The following TNS3 variants were observed in gnomAD, a reference collection of about 807,000 sequenced individuals.
TNS3 encodes the protein tensin-3.
Under a neutral mutation model 140.9 loss-of-function variants are expected in TNS3, and 45 were observed. That is an observed-to-expected ratio of 0.32 (90% confidence interval 0.25 to 0.41). TNS3 has a LOEUF of 0.41. TNS3 is among the 10% of genes least tolerant of loss of function. TNS3 has a pLI of 1.00. For missense variants in TNS3, 1,716 were observed against 1,906.7 expected (o/e 0.90, Z 1.86); for synonymous variants, 815 against 788.4 (o/e 1.03, Z -0.56).
At chr7:47,486,702 CG>C in intron 3 of TNS3, among the ~76,000 whole-genome samples, 1 of 152,280 alleles carries the variant, frequency 6.6e-6, no homozygotes, top group Admixed American at 6.5e-5. Flanking sequence ...CAGTTCTCCT[CG>C]TGCTTGACCG....
intron 2 of TNS3, among the ~76,000 whole-genome samples, chr7:47,513,855 A>C (rs1234589881): frequency 2.0e-5 from 3 of 152,218 alleles, no homozygotes; most frequent in African/African-American, 7.2e-5. Context: ...CAAACCACAC[A>C]TCAGTTCCCT....
intron 20 of TNS3, among the ~76,000 whole-genome samples, chr7:47,321,034 T>C (rs557421170): frequency 6.6e-6 from 1 of 152,310 alleles, no homozygotes; most frequent in Non-Finnish European, 1.5e-5. Context: ...TTCTAATGTG[T>C]CCCTTCTGAC....
At chr7:47,305,318 G>T (rs1786683612) in intron 20 of TNS3, among the ~76,000 whole-genome samples, 2 of 152,180 alleles carry the variant, frequency 1.3e-5, no homozygotes, top group African/African-American at 4.8e-5. Flanking sequence ...GCCTGGGCTG[G>T]TCCTCCCAGC....
chr7:47,422,006 G>A (rs2151464086), intron 10 of TNS3, among the ~76,000 whole-genome samples: 1 of 152,284 alleles, frequency 6.6e-6, no homozygotes, highest in East Asian at 1.9e-4. Context: ...GGACAACAGA[G>A]AAGCCTCCCA....
chr7:47,397,039 C>G, intron 15 of TNS3, 135 bp from the exon 16 acceptor site: 2 of 660,288 alleles, frequency 3.0e-6, no homozygotes, highest in Non-Finnish European at 5.4e-6. Context: ...ACCCTCCTGC[C>G]AGGAGCCACA....
intron 20 of TNS3, among the ~76,000 whole-genome samples, chr7:47,340,858 G>C (rs957624914): frequency 1.3e-5 from 2 of 152,178 alleles, no homozygotes; most frequent in African/African-American, 4.8e-5. Flanking sequence ...TGTTGAAAAA[G>C]AGTGCTGTCA....
intron 17 of TNS3, among the ~76,000 whole-genome samples, chr7:47,348,870 C>T (rs542226989): frequency 2.3e-4 from 35 of 152,334 alleles, no homozygotes; most frequent in South Asian, 4.1e-4. Context: ...GAAGGCACAA[C>T]CAGGTCGTAA....
intron 17 of TNS3, among the ~76,000 whole-genome samples, chr7:47,365,990 A>T (rs531986356): frequency 6.6e-6 from 1 of 152,276 alleles, no homozygotes; most frequent in East Asian, 1.9e-4. Flanking sequence ...ATGTTAACCT[A>T]AGTATGTGGA....
chr7:47,556,288 A>C (rs2151990929), intron 1 of TNS3, among the ~76,000 whole-genome samples: 1 of 152,296 alleles, frequency 6.6e-6, no homozygotes, highest in African/African-American at 2.4e-5. Context: ...TTAAAAAATT[A>C]CCTTTAGTAA....
chr7:47,576,310 TC>T (rs1353824993), intron 1 of TNS3, among the ~76,000 whole-genome samples: 3 of 151,814 alleles, frequency 2.0e-5, no homozygotes, highest in Non-Finnish European at 4.4e-5. Context: ...CCCACGTGGC[TC>T]CCACCCCTGA....
chr7:47,482,622 C>T (rs1184801592), intron 3 of TNS3, among the ~76,000 whole-genome samples: 2 of 152,114 alleles, frequency 1.3e-5, no homozygotes, highest in East Asian at 3.9e-4. Flanking sequence ...ACTCAGTGCA[C>T]ACATGCATCT....
In TNS3 at chr7:47,445,696, G is replaced by A. The variant is rs370040921; in HGVS notation, c.-75-3641C>T. Reference sequence around the variant, plus strand: ...CAGGGGTTAAATCTGGAACCAAGTAGAGGACATGCCTATGACAGGTCCCCC... The same window carrying A: ...CAGGGGTTAAATCTGGAACCAAGTAAAGGACATGCCTATGACAGGTCCCCC... On this transcript the variant is annotated intron_variant, in intron 4 of 30. Transcript: ENST00000311160. Among the ~76,000 whole-genome samples, 7 of 152,140 alleles carry A rather than the reference G, an allele frequency of 4.6e-5. No individual in the cohort carries two copies. In the East Asian group the frequency reaches 5.8e-4, roughly 13 times the overall value.
intron 27 of TNS3, among the ~76,000 whole-genome samples, chr7:47,286,912 A>G (rs1048329617): frequency 6.6e-6 from 1 of 152,180 alleles, no homozygotes; most frequent in Non-Finnish European, 1.5e-5. Flanking sequence ...CCCCAAGTAC[A>G]AGGAAAAAGG....
rs373873765 is a variant in TNS3, at chr7:47,311,031, G to A, written c.2651-6028C>T. On this transcript the variant is annotated intron_variant, in intron 20 of 30. Transcript: ENST00000311160. ...TGTGAATAGTTCGCAATAAGCATAC[G>A]TGTGCATGTGTCTTTATAGCAGCAT... is the stretch of plus-strand genomic sequence containing the variant. 3.6e-3 allele frequency among the ~76,000 whole-genome samples: 547 copies of A among 152,246 alleles called. 3 individuals are homozygous for A. The highest frequency in any genetic ancestry group is 0.012 in the African/African-American group (502 of 41,548).
At chr7:47,405,299 G>C (rs1793381228) in intron 13 of TNS3, among the ~76,000 whole-genome samples, 1 of 152,166 alleles carries the variant, frequency 6.6e-6, no homozygotes, top group East Asian at 1.9e-4. Flanking sequence ...CAAAAGAGCA[G>C]AACCCTCAAA....
chr7:47,489,151 T>G (rs899965635), intron 3 of TNS3, among the ~76,000 whole-genome samples: 1 of 152,024 alleles, frequency 6.6e-6, no homozygotes, highest in African/African-American at 2.4e-5. Context: ...CTAATCCCCA[T>G]GAGAAAACAC....
At chr7:47,481,224 C>CAGTTTCATTCAGTCTT in intron 3 of TNS3, 83 bp from the exon 4 acceptor site, 2 of 1,035,144 alleles carry the variant, frequency 1.9e-6, no homozygotes, top group Non-Finnish European at 2.6e-6. Context: ...CTCCCAAAGA[C>CAGTTTCATTCAGTCTT]TGAATGAAAC....
At chr7:47,466,857 T>C (rs904621713) in intron 4 of TNS3, among the ~76,000 whole-genome samples, 9 of 152,242 alleles carry the variant, frequency 5.9e-5, no homozygotes, top group Non-Finnish European at 1.2e-4. Context: ...AATACAACTT[T>C]CCCTCTTCCT....
In TNS3 at chr7:47,574,626, G is replaced by GACACACACAC. The variant is rs3066624; in HGVS notation, c.-265+7415_-265+7424dup. On this transcript the variant is annotated intron_variant, in intron 1 of 30. Transcript: ENST00000311160. ...ATAAACAAAATGTGCTATTCATACA[G>GACACACACAC]ACACACACACACACACACACACCCC... 2.5e-3 allele frequency among the ~76,000 whole-genome samples: 361 copies of GACACACACAC among 145,746 alleles called. 1 individual carries two copies. Among genetic ancestry groups the GACACACACAC allele is most frequent in the African/African-American group, 8.5e-3 (306 of 36,188 alleles).
Sources: gnomAD v4.1 joint callset for allele counts (sites outside exome capture counted in the v4.1 genomes callset) on GRCh38, gnomAD v4.1.1 for gene constraint, MANE v1.5 for transcripts, NCBI Gene and HGNC (gene_info 2026-07-23, HGNC 2026-07-21) for gene names.